The following TRMT11 variants were observed in gnomAD, a reference collection of about 807,000 sequenced individuals.
TRMT11 encodes the protein tRNA methyltransferase 11.
TRMT11 carries 53 observed loss-of-function variants against 62.8 expected under a neutral mutation model. The ratio of observed to expected loss-of-function variants is 0.84; its 90% CI spans 0.68 to 1.06. The LOEUF is 1.06. TRMT11 is among the 50% of genes least tolerant of loss of function. The pLI, the probability that TRMT11 is intolerant of heterozygous loss-of-function variation, is 0.00. For missense variants in TRMT11, 556 were observed against 553.4 expected, an observed-to-expected ratio of 1.00 and a Z score of -0.05; for synonymous variants, 188 against 190.3, an observed-to-expected ratio of 0.99 and a Z score of 0.10.
intron 7 of TRMT11, among the ~76,000 whole-genome samples, chr6:126,004,115 T>A (rs1216558016): frequency 1.3e-5 from 2 of 152,072 alleles, no homozygotes; most frequent in Non-Finnish European, 2.9e-5. Context: ...GATATATACA[T>A]GTAGAAAATG....
chr6:126,044,691 T>A (rs1201504083), intron 16 of TRMT11, among the ~76,000 whole-genome samples: 1 of 152,146 alleles, frequency 6.6e-6, no homozygotes, highest in Non-Finnish European at 1.5e-5. Context: ...GGAGCAGAGG[T>A]TTAAGTCTGT....
At chr6:126,038,453 A>AAG in intron 12 of TRMT11, among the ~76,000 whole-genome samples, 1 of 134,514 alleles carries the variant, frequency 7.4e-6, no homozygotes, top group Admixed American at 7.2e-5. Context: ...AAAAAAAAAA[A>AAG]GAAAAAAAGA....
chr6:126,107,627 C>G (rs1194887938), intron 17 of TRMT11, among the ~76,000 whole-genome samples: 1 of 152,070 alleles, frequency 6.6e-6, no homozygotes, highest in Non-Finnish European at 1.5e-5. Context: ...CCTTTGGGAC[C>G]ATTTAAAAAG....
At chr6:126,206,568 C>T (rs138167085), downstream of TRMT11, among the ~76,000 whole-genome samples, 1 of 152,262 alleles carries the variant, frequency 6.6e-6, no homozygotes, top group African/African-American at 2.4e-5. Flanking sequence ...AATACAAAAA[C>T]ACTTCATATG....
intron 1 of TRMT11, 124 bp from the exon 2 acceptor site, chr6:125,993,632 CT>C (rs1790991652): frequency 2.1e-6 from 1 of 485,918 alleles, no homozygotes; most frequent in Non-Finnish European, 3.7e-6. Flanking sequence ...GATGTTGAAG[CT>C]TAAATGCCTC....
the TRMT11 span, among the ~76,000 whole-genome samples, chr6:126,260,188 T>G: frequency 6.6e-6 from 1 of 152,216 alleles, no homozygotes; most frequent in Non-Finnish European, 1.5e-5. Context: ...TGAAGCTTTC[T>G]CCTTCCTCTT....
chr6:126,087,682 C>T (rs139085501), intron 17 of TRMT11, among the ~76,000 whole-genome samples: 1 of 152,324 alleles, frequency 6.6e-6, no homozygotes, highest in East Asian at 1.9e-4. Context: ...TTGTAGGAGG[C>T]AGGGCCAGGC....
the TRMT11 span, among the ~76,000 whole-genome samples, chr6:126,261,053 A>ACTATAATGAG: frequency 6.6e-6 from 1 of 152,192 alleles, no homozygotes; most frequent in East Asian, 1.9e-4. Context: ...CTCTAAAACT[A>ACTATAATGAG]CTATAATGAG....
intron 17 of TRMT11, among the ~76,000 whole-genome samples, chr6:126,092,379 A>G (rs1777286634): frequency 6.6e-6 from 1 of 152,180 alleles, no homozygotes; most frequent in South Asian, 2.1e-4. Context: ...GGTGGCAGGC[A>G]AGAGAGAGAA....
the TRMT11 span, among the ~76,000 whole-genome samples, chr6:126,238,189 G>GT: frequency 6.6e-6 from 1 of 152,036 alleles, no homozygotes; most frequent in African/African-American, 2.4e-5. Context: ...TTTTTGAAGG[G>GT]TTTTTTGTGT....
In TRMT11 at chr6:126,185,248, A is replaced by G. The variant is rs530595842; in HGVS notation, n.143+7913A>G. 5.1e-4 allele frequency among the ~76,000 whole-genome samples: 77 copies of G among 152,298 alleles called. 1 individual carries two copies. Among genetic ancestry groups the G allele is most frequent in the South Asian group, 8.3e-4 (4 of 4,824 alleles). The stretch of plus-strand genomic sequence containing the variant: ...GAAGGATAGAGTCAGTAGGACTAGT[A>G]TAGATAAGCTGTTTTGGTCAGCAAA... On this transcript the variant is annotated intron_variant and non_coding_transcript_variant, in intron 1 of 3. Coordinates refer to the TRMT11 transcript ENST00000444229.
intron 1 of TRMT11, among the ~76,000 whole-genome samples, chr6:126,178,444 A>G (rs1778416043): frequency 6.6e-6 from 1 of 152,178 alleles, no homozygotes; most frequent in Non-Finnish European, 1.5e-5. Context: ...GTGACTCCCT[A>G]ATAAATATCT....
intron 21 of TRMT11, among the ~76,000 whole-genome samples, chr6:126,116,940 C>T (rs2128192608): frequency 6.6e-6 from 1 of 152,048 alleles, no homozygotes; most frequent in East Asian, 1.9e-4. Context: ...TGTTAAAATT[C>T]CAAAAAGTTC....
downstream of TRMT11, among the ~76,000 whole-genome samples, chr6:126,040,332 A>T (rs1483033238): frequency 6.6e-6 from 1 of 152,088 alleles, no homozygotes; most frequent in Non-Finnish European, 1.5e-5. Context: ...TATGATTCCT[A>T]TTATGAGGCT....
intron 21 of TRMT11, among the ~76,000 whole-genome samples, chr6:126,151,368 T>C (rs1174378505): frequency 6.6e-6 from 1 of 152,188 alleles, no homozygotes; most frequent in Non-Finnish European, 1.5e-5. Flanking sequence ...GCCTGATTCC[T>C]AGTTATTTGG....
chr6:126,204,113 G>T (rs539945290), downstream of TRMT11, among the ~76,000 whole-genome samples: 1 of 152,106 alleles, frequency 6.6e-6, no homozygotes, highest in Non-Finnish European at 1.5e-5. Flanking sequence ...TAAATAAAAC[G>T]ATAGGCATTA....
the TRMT11 span, among the ~76,000 whole-genome samples, chr6:126,223,377 C>T: frequency 2.0e-5 from 3 of 152,026 alleles, no homozygotes; most frequent in Non-Finnish European, 2.9e-5. Flanking sequence ...GCCAAGATCG[C>T]GTCACTGCAC....
At chr6:126,114,379 A>G (rs558224237) in intron 18 of TRMT11, among the ~76,000 whole-genome samples, 1 of 152,048 alleles carries the variant, frequency 6.6e-6, no homozygotes, top group Non-Finnish European at 1.5e-5. Flanking sequence ...TCCAGGAAAA[A>G]GTAGAACAGT....
chr6:126,251,073 C>A, the TRMT11 span, among the ~76,000 whole-genome samples: 1 of 151,344 alleles, frequency 6.6e-6, no homozygotes, highest in Admixed American at 6.6e-5. Context: ...CTCTTTCACC[C>A]AGGCTGGAGT....
Sources: allele counts gnomAD v4.1 joint callset (sites outside exome capture counted in the v4.1 genomes callset), GRCh38; gene constraint gnomAD v4.1.1; transcripts MANE v1.5; gene names NCBI Gene and HGNC (gene_info 2026-07-23, HGNC 2026-07-21).